The following MIB1 variants were observed in gnomAD, a reference collection of about 807,000 sequenced individuals.
MIB1 encodes the protein MIB E3 ubiquitin protein ligase 1.
Under a neutral mutation model 124.5 loss-of-function variants are expected in MIB1, and 278 were observed. The observed-to-expected ratio is 2.23, with a 90% CI of 2.02 to 2.47. MIB1 has a LOEUF of 2.47. MIB1 is among the 30% of genes most tolerant of loss of function. MIB1 has a pLI of 0.00. For missense variants in MIB1, 957 were observed against 1,254.4 expected (o/e 0.76, Z 3.58); for synonymous variants, 446 against 429.4 (o/e 1.04, Z -0.48).
Position 21,766,483 on chromosome 18 carries a change from G to A in MIB1, c.401+540G>A, listed in dbSNP as rs984244954. ...ATGTATTAAGTGTCTTAGGAGCAAG[G>A]AGAGAGGAGTATTCATTGTTAATGG... On this transcript the variant is annotated intron_variant, in intron 2 of 20. Transcript: ENST00000261537. Among the ~76,000 whole-genome samples, 3 of 152,300 alleles carry A rather than the reference G, an allele frequency of 2.0e-5. No homozygotes were observed. The South Asian group carries it at 6.2e-4, about 32-fold the overall frequency.
At chr18:21,711,323 A>C (rs1598577294) in intron 1 of MIB1, among the ~76,000 whole-genome samples, 1 of 151,730 alleles carries the variant, frequency 6.6e-6, no homozygotes, top group East Asian at 1.9e-4. Context: ...ACTCTGTCAC[A>C]AAAGCTGGAG....
At chr18:21,829,466 G>T (rs2041958710) in intron 12 of MIB1, 1 of 152,192 alleles carries the variant, frequency 6.6e-6, no homozygotes, top group Non-Finnish European at 1.5e-5. Flanking sequence ...CAGGTAGATA[G>T]TAATTAATTA....
chr18:21,742,390 T>C (rs1598586878), intron 1 of MIB1, among the ~76,000 whole-genome samples: 1 of 152,176 alleles, frequency 6.6e-6, no homozygotes, highest in Non-Finnish European at 1.5e-5. Context: ...ATTTTATATC[T>C]TTATATCAAT....
chr18:21,773,684 G>GAT lies in MIB1; in HGVS notation c.594_595dup (p.Asn199IlefsTer18). On this transcript the variant is annotated frameshift_variant, in exon 4 of 21. Coordinates refer to ENST00000261537, the MANE Select transcript of MIB1 (RefSeq NM_020774.4). LOFTEE classifies it high-confidence loss of function. ...ACATAGCGCAGCATATGTCCTCTGG[G>GAT]ATAATGGTGCTAAGAACCTTTACAG... 6.2e-7 allele frequency: 1 copy of GAT among 1,609,236 alleles called. No homozygotes were observed. The highest frequency in any genetic ancestry group is 8.5e-7 in the Non-Finnish European group (1 of 1,178,050).
rs377178181 is a variant in MIB1, at chr18:21,741,849, G to T, written c.229+37G>T. Reference sequence around the variant, plus strand: ...CCACCTGGCCAGGGCTTGCGCGCGCGGGGGGAAGGGGCGAGCTGCGGTGGG... The same window carrying T: ...CCACCTGGCCAGGGCTTGCGCGCGCTGGGGGAAGGGGCGAGCTGCGGTGGG... On this transcript the variant is annotated intron_variant, in intron 1 of 20. Coordinates refer to ENST00000261537, the MANE Select transcript of MIB1 (RefSeq NM_020774.4). The surrounding 1 kb of genome is among the most constrained non-coding windows in gnomAD (Gnocchi z 5.4). 1.0e-4 allele frequency: 152 copies of T among 1,509,342 alleles called. No homozygotes were observed. In the African/African-American group the frequency reaches 1.8e-3, roughly 18 times the overall value. 93.5% of individuals were successfully genotyped at this position (1,509,342 alleles called of 1,614,324 possible). A position where few individuals can be genotyped will look rare whatever the true frequency, so the allele number is the denominator to read the frequency against.
At chr18:21,708,907 G>T (rs2040652725) in intron 1 of MIB1, among the ~76,000 whole-genome samples, 1 of 152,176 alleles carries the variant, frequency 6.6e-6, no homozygotes, top group Non-Finnish European at 1.5e-5. Context: ...AACAGCAAAA[G>T]TCAATTTGGG....
chr18:21,796,574 CAAAA>C (rs2041584055), intron 7 of MIB1, among the ~76,000 whole-genome samples: 1 of 151,948 alleles, frequency 6.6e-6, no homozygotes, highest in African/African-American at 2.4e-5. Context: ...TAAAACAAAA[CAAAA>C]AAATGTCCCA....
At chr18:21,737,133 A>G (rs1220924504), upstream of MIB1, among the ~76,000 whole-genome samples, 1 of 152,228 alleles carries the variant, frequency 6.6e-6, no homozygotes, top group Non-Finnish European at 1.5e-5. Flanking sequence ...CGGGTTACCC[A>G]CAAAGGAATC....
At chr18:21,824,281 C>T (rs1395393324) in intron 12 of MIB1, among the ~76,000 whole-genome samples, 1 of 152,076 alleles carries the variant, frequency 6.6e-6, no homozygotes, top group Non-Finnish European at 1.5e-5. Context: ...CCCACAAAGA[C>T]ACATATTACA....
intron 8 of MIB1, among the ~76,000 whole-genome samples, chr18:21,799,114 G>A (rs1320356931): frequency 6.6e-6 from 1 of 151,944 alleles, no homozygotes; most frequent in Non-Finnish European, 1.5e-5. Context: ...AAATTATGTG[G>A]ACTTGGCCCA....
At chr18:21,803,807 G>T in intron 9 of MIB1, 100 bp from the exon 10 acceptor site, 1 of 765,614 alleles carries the variant, frequency 1.3e-6, no homozygotes. Flanking sequence ...TATTCTCGTG[G>T]AATCATACAG....
In MIB1 at chr18:21,721,164, T is replaced by G. The variant is rs1256016946; in HGVS notation, n.167+16041T>G. On this transcript the variant is annotated intron_variant and non_coding_transcript_variant, in intron 1 of 20. Coordinates refer to the MIB1 transcript ENST00000578646. ...GATTTAAACATTTTAAAGAAGTTTT[T>G]TTTTTTTTTTTTTTTTTTTTTTTTT... Among the ~76,000 whole-genome samples the G allele has an allele frequency of 6.8e-4, 59 of 86,450 alleles. 1 individual carries two copies. The highest frequency in any genetic ancestry group is 3.4e-3 in the African/African-American group (51 of 15,162). 56.7% of individuals were successfully genotyped at this position (86,450 alleles called of 152,430 possible).
intron 18 of MIB1, among the ~76,000 whole-genome samples, chr18:21,855,925 A>AGGT (rs1320575376): frequency 1.3e-5 from 2 of 152,230 alleles, no homozygotes; most frequent in African/African-American, 4.8e-5. Flanking sequence ...TTTAGATGTA[A>AGGT]GGTAGTATTA....
In MIB1 at chr18:21,803,905, A is replaced by C; in HGVS notation, c.1372-2A>C. The C allele has an allele frequency of 6.2e-7, 1 of 1,605,796 alleles. No homozygotes were observed. On this transcript the variant is annotated splice_acceptor_variant, in intron 9 of 20. Coordinates refer to ENST00000261537, the MANE Select transcript of MIB1 (RefSeq NM_020774.4). LOFTEE classifies it high-confidence loss of function. ...TTTCATTCTTTTTTTTAAAAAATGT[A>C]GGTAAATGGGCAATGTGCTGGCCAC...
intron 6 of MIB1, among the ~76,000 whole-genome samples, chr18:21,787,425 TTGAC>T (rs1175260740): frequency 6.6e-6 from 1 of 152,178 alleles, no homozygotes; most frequent in African/African-American, 2.4e-5. Flanking sequence ...TCTCTTCTCT[TTGAC>T]TGTAGCTACC....
chr18:21,781,365 TTATATATATATATATATATATA>T (rs57641355), intron 6 of MIB1, among the ~76,000 whole-genome samples: 1,758 of 67,258 alleles, frequency 0.026, 76 homozygotes, highest in African/African-American at 0.047. Context: ...TCTGTTCAAG[TTATATATATATATATATATATA>T]TATATATATA....
Position 21,844,241 on chromosome 18 carries a change from A to G in MIB1, c.2199A>G (p.Pro733=). The G allele has an allele frequency of 6.2e-7, 1 of 1,614,160 alleles. No individual in the cohort carries two copies. The highest frequency in any genetic ancestry group is 8.5e-7 in the Non-Finnish European group (1 of 1,180,006). ...DVGKVDAAWE[P]SKNTLIMGLG... is the part of the protein sequence containing the mutation. ...GGAAGGTGGATGCTGCCTGGGAGCCATCCAAAAACACGGTGAGTAAAGATC... is the reference window on the plus strand; with the variant it reads ...GGAAGGTGGATGCTGCCTGGGAGCCGTCCAAAAACACGGTGAGTAAAGATC... Residue 733 remains proline, a synonymous_variant, in exon 15 of 21, where the codon CCA becomes CCG. Coordinates refer to ENST00000261537, the MANE Select transcript of MIB1 (RefSeq NM_020774.4).
At chr18:21,854,516 AG>A in intron 18 of MIB1, 1 of 152,808 alleles carries the variant, frequency 6.5e-6, no homozygotes, top group South Asian at 2.1e-4. Flanking sequence ...TATAATTATT[AG>A]TTGTTCACAC....
In MIB1 at chr18:21,853,975, G is replaced by A. The variant is rs369390542; in HGVS notation, c.2665+757G>A. 3.0e-5 allele frequency among the ~76,000 whole-genome samples: 4 copies of A among 132,204 alleles called. No homozygotes were observed. In the East Asian group the frequency reaches 6.5e-4, roughly 22 times the overall value. 86.7% of individuals were successfully genotyped at this position (132,204 alleles called of 152,430 possible). ...TGCCTTCCCAATTCAAGTGATTCTC[G>A]TGTCCTCCGCCTAGGCAACAGACTG... On this transcript the variant is annotated intron_variant, in intron 18 of 20. Coordinates refer to ENST00000261537, the MANE Select transcript of MIB1 (RefSeq NM_020774.4).
Sources: allele counts gnomAD v4.1 joint callset (sites outside exome capture counted in the v4.1 genomes callset), GRCh38; gene constraint gnomAD v4.1.1; non-coding constraint Gnocchi (gnomAD v3.1); transcripts MANE v1.5; gene names NCBI Gene and HGNC (gene_info 2026-07-23, HGNC 2026-07-21).